MKNK1: variants seen among roughly 807,000 people sequenced by gnomAD.
MKNK1 encodes MAP kinase-interacting serine/threonine-protein kinase 1.
In MKNK1, 30 loss-of-function variants were observed where a neutral mutation model predicts 49.3. The ratio of observed to expected loss-of-function variants is 0.61; its 90% confidence interval spans 0.46 to 0.83. The LOEUF (loss-of-function observed/expected upper bound fraction) is 0.83. Among genes scored for constraint, MKNK1 ranks in the 40% least tolerant of loss-of-function variants. The pLI is 0.00. For synonymous variants in MKNK1, 176 were observed against 201.7 expected, an observed-to-expected ratio of 0.87 and a Z score of 1.08; for missense variants, 423 against 524.7, an observed-to-expected ratio of 0.81 and a Z score of 1.89.
intron 2 of MKNK1, among the ~76,000 whole-genome samples, chr1:46,590,176 C>T (rs1243252592): frequency 2.0e-5 from 3 of 152,074 alleles, no homozygotes; most frequent in African/African-American, 4.8e-5. Context: ...AAATGGAGAA[C>T]GGAGAAAATG....
At chr1:46,566,606 A>G (rs958690331) in intron 8 of MKNK1, among the ~76,000 whole-genome samples, 4 of 152,250 alleles carry the variant, frequency 2.6e-5, no homozygotes, top group African/African-American at 7.2e-5. Flanking sequence ...CTCACCAGCA[A>G]TGTATGAGGG....
intron 2 of MKNK1, among the ~76,000 whole-genome samples, chr1:46,586,797 G>A (rs933145056): frequency 3.9e-5 from 6 of 152,082 alleles, no homozygotes; most frequent in Admixed American, 6.5e-5. Flanking sequence ...GACACAAAAC[G>A]TCCTTCACTT....
intron 3 of MKNK1, among the ~76,000 whole-genome samples, chr1:46,582,614 G>C (rs1671909474): frequency 6.6e-6 from 1 of 152,218 alleles, no homozygotes; most frequent in South Asian, 2.1e-4. Context: ...TTGGTGCTTT[G>C]CACAAGTGTC....
intron 1 of MKNK1, among the ~76,000 whole-genome samples, chr1:46,595,276 C>A (rs577242527): frequency 2.6e-5 from 4 of 151,732 alleles, no homozygotes; most frequent in African/African-American, 7.3e-5. Flanking sequence ...CCCCTTTTCT[C>A]GGTGGAAAAG....
At chr1:46,563,754 G>A (rs1031663080) in intron 9 of MKNK1, among the ~76,000 whole-genome samples, 4 of 152,144 alleles carry the variant, frequency 2.6e-5, no homozygotes, top group African/African-American at 9.7e-5. Context: ...GTCTTAAAAG[G>A]GTTATTAGGG....
chr1:46,569,148 C>G (rs547385316), intron 7 of MKNK1: 88 of 152,454 alleles, frequency 5.8e-4, no homozygotes, highest in African/African-American at 1.9e-3. Flanking sequence ...TTCTTGAAAT[C>G]CTGGCCTTAA....
intron 10 of MKNK1, 173 bp from the exon 11 acceptor site, chr1:46,561,815 G>T: frequency 1.5e-6 from 1 of 675,088 alleles, no homozygotes; most frequent in Non-Finnish European, 2.4e-6. Flanking sequence ...TCCCCTAGAT[G>T]ATCAAACTAT....
At position 46,591,962 on chromosome 1, in the gene MKNK1, G is replaced by A. The variant is rs373565907; in HGVS notation, c.-3+2151C>T. Among the ~76,000 whole-genome samples, 41 of 152,188 alleles carry A rather than the reference G, an allele frequency of 2.7e-4. 1 individual carries two copies. The highest frequency in any genetic ancestry group is 1.3e-3 in the East Asian group (7 of 5,196). On this transcript the variant is annotated intron_variant, in intron 2 of 12. Coordinates refer to ENST00000371945, the MANE Select transcript of MKNK1 (RefSeq NM_001135553.4). ...GTGAAAATGGCATTAAAAAAAAGCT[G>A]GGTGTGATGGCTCATGCCTGTAATC...
intron 4 of MKNK1, among the ~76,000 whole-genome samples, chr1:46,579,412 G>C (rs1374048104): frequency 2.0e-5 from 3 of 152,146 alleles, no homozygotes; most frequent in African/African-American, 7.2e-5. Flanking sequence ...CTCAAGTGGG[G>C]AATCTGGTCA....
At chr1:46,597,911 T>C (rs1674282305) in intron 1 of MKNK1, among the ~76,000 whole-genome samples, 1 of 152,208 alleles carries the variant, frequency 6.6e-6, no homozygotes, top group Non-Finnish European at 1.5e-5. Context: ...AAAAGAGGCA[T>C]GACCAATGTG....
chr1:46,585,976 T>A (rs1349365147), intron 2 of MKNK1: 3 of 1,336,802 alleles, frequency 2.2e-6, no homozygotes, highest in Admixed American at 3.9e-5. Flanking sequence ...TTTCTGAAAC[T>A]AGGAAGGAAA....
intron 1 of MKNK1, among the ~76,000 whole-genome samples, chr1:46,599,850 G>A (rs891154746): frequency 6.6e-6 from 1 of 152,228 alleles, no homozygotes; most frequent in Non-Finnish European, 1.5e-5. Flanking sequence ...AGTATGTAAA[G>A]CAACCAGCAT....
chr1:46,592,712 G>A (rs990573378), intron 2 of MKNK1, among the ~76,000 whole-genome samples: 6 of 152,216 alleles, frequency 3.9e-5, no homozygotes, highest in Non-Finnish European at 7.3e-5. Flanking sequence ...ACTGGTTCTA[G>A]TCCTACCAAA....
chr1:46,568,618 TA>T lies in MKNK1; in HGVS notation c.458-121del. ...AGATTAATTCCCAATTATGGTACAT[TA>T]AAAAATCAACGAGCTGCAGGAGGCA... On this transcript the variant is annotated intron_variant, in intron 7 of 12. Coordinates refer to ENST00000371945, the MANE Select transcript of MKNK1 (RefSeq NM_001135553.4). 1.0e-5 allele frequency: 10 copies of T among 972,864 alleles called. 1 individual carries two copies. The South Asian group carries it at 1.5e-4, about 14-fold the overall frequency. 60.3% of individuals were successfully genotyped at this position (972,864 alleles called of 1,614,324 possible). A position where few individuals can be genotyped will look rare whatever the true frequency, so the allele number is the denominator to read the frequency against.
intron 8 of MKNK1, among the ~76,000 whole-genome samples, chr1:46,567,866 A>G (rs1249841221): frequency 1.3e-5 from 2 of 152,238 alleles, no homozygotes; most frequent in Non-Finnish European, 2.9e-5. Flanking sequence ...CACGTTTGCA[A>G]TCCCAGTACT....
intron 2 of MKNK1, among the ~76,000 whole-genome samples, chr1:46,592,626 A>ACAGGGAGAG (rs931713316): frequency 2.0e-5 from 3 of 152,204 alleles, no homozygotes; most frequent in African/African-American, 7.2e-5. Flanking sequence ...TACAACAGAG[A>ACAGGGAGAG]CAGGGAGAGC....
At position 46,565,069 on chromosome 1, in the gene MKNK1, G is replaced by A. The variant is rs776992695; in HGVS notation, c.581C>T (p.Pro194Leu). 1 of 1,614,184 alleles carries A rather than the reference G, an allele frequency of 6.2e-7. No individual in the cohort carries two copies. Among genetic ancestry groups the A allele is most frequent in the Non-Finnish European group, 8.5e-7 (1 of 1,180,034 alleles). The change falls in exon 9 of 13, where the codon CCC becomes CTC. Residue 194 changes from proline (P) to leucine (L), a missense_variant. By Grantham distance (98) the Pro-to-Leu change is moderately conservative (BLOSUM62 -3). Coordinates refer to ENST00000371945, the MANE Select transcript of MKNK1 (RefSeq NM_001135553.4). The part of the protein sequence containing the change: ...SGMKLNNSCT[P>L]ITTPELTTPC... ...GGTGGTCAGCTCTGGTGTGGTTATG[G>A]GGGTACAGGAGTTGTTCAGTTTCAT...
Position 46,573,781 on chromosome 1 carries a change from T to C in MKNK1, c.352+1166A>G, listed in dbSNP as rs191254435. ...CAGAGTCTCACTCTGTTGCCCAGGC[T>C]GGAGTGTAGTGGTGCGATCTCGGCT... On this transcript the variant is annotated intron_variant, in intron 6 of 12. Transcript: ENST00000371945. The C allele has an allele frequency of 5.3e-5, 8 of 151,964 alleles. No individual in the cohort carries two copies. The East Asian group carries it at 1.5e-3, about 29-fold the overall frequency. 9.4% of individuals were successfully genotyped at this position (151,964 alleles called of 1,614,324 possible). A position where few individuals can be genotyped will look rare whatever the true frequency, so the allele number is the denominator to read the frequency against.
intron 12 of MKNK1, 112 bp downstream of exon 12, chr1:46,560,122 G>T: frequency 8.4e-7 from 1 of 1,183,622 alleles, no homozygotes; most frequent in Non-Finnish European, 1.2e-6. Context: ...TGGGCAGGGA[G>T]CCCCTTTGGA....
Sources: gnomAD v4.1 joint callset for allele counts (sites outside exome capture counted in the v4.1 genomes callset) on GRCh38, gnomAD v4.1.1 for gene constraint, MANE v1.5 for transcripts, NCBI Gene and HGNC (gene_info 2026-07-23, HGNC 2026-07-21) for gene names.